RIMS2: variants seen among roughly 807,000 people sequenced by gnomAD.
RIMS2 encodes regulating synaptic membrane exocytosis 2.
Under a neutral mutation model 174.4 loss-of-function variants are expected in RIMS2, and 59 were observed. The observed-to-expected ratio is 0.34, with a 90% confidence interval of 0.27 to 0.42. The LOEUF is 0.42. Among genes scored for constraint, RIMS2 ranks in the 10% least tolerant of loss-of-function variants. The probability of loss-of-function intolerance (pLI) is 1.00; values close to 1 mark genes in which losing one functional copy is unlikely to be tolerated. For synonymous variants in RIMS2, 606 were observed against 572.5 expected, an observed-to-expected ratio of 1.06 and a Z score of -0.84; for missense variants, 1,620 against 1,666.3, an observed-to-expected ratio of 0.97 and a Z score of 0.48.
chr8:104,166,359 C>A (rs12546019), intron 19 of RIMS2, among the ~76,000 whole-genome samples: 65,617 of 151,510 alleles, frequency 0.43, 14,665 homozygotes, highest in East Asian at 0.63. Flanking sequence ...AGCCACCGGG[C>A]CCGGCCTGGA....
intron 1 of RIMS2, among the ~76,000 whole-genome samples, chr8:103,668,662 A>G (rs982421697): frequency 1.5e-4 from 22 of 151,272 alleles, no homozygotes; most frequent in Middle Eastern, 6.8e-3. Flanking sequence ...CGATTTATTT[A>G]TTTATTTATT....
chr8:103,964,840 T>C lies in RIMS2; in HGVS notation c.2770+3707T>C, dbSNP rs1239745521. Reference sequence around the variant, plus strand: ...TCTGATGCATTTTTGAAGAGTGTAATGTCTGTGTCTAGGTTCCCTATTTTG... The same window carrying C: ...TCTGATGCATTTTTGAAGAGTGTAACGTCTGTGTCTAGGTTCCCTATTTTG... On this transcript the variant is annotated intron_variant, in intron 15 of 23. Transcript: ENST00000504942. Among the ~76,000 whole-genome samples the C allele has an allele frequency of 2.0e-5, 3 of 152,054 alleles. No homozygotes were observed. The East Asian group carries it at 5.8e-4, about 29-fold the overall frequency.
chr8:103,978,401 A>G (rs1384326104), intron 16 of RIMS2, among the ~76,000 whole-genome samples: 1 of 118,254 alleles, frequency 8.5e-6, no homozygotes, highest in African/African-American at 2.6e-5. Flanking sequence ...CAAAAGTGTC[A>G]TAAAGGACAA....
intron 1 of RIMS2, among the ~76,000 whole-genome samples, chr8:103,656,706 A>G (rs572439244): frequency 6.6e-6 from 1 of 152,332 alleles, no homozygotes; most frequent in East Asian, 1.9e-4. Flanking sequence ...TTGAGGTCAC[A>G]GGGCAAATCA....
At position 104,130,321 on chromosome 8, in the gene RIMS2, C is replaced by A. The variant is rs558201356; in HGVS notation, c.3335-114595C>A. ...TGGGTGAACCTGTACACCGAGCAGT[C>A]CTGCTGCATAACCGCTGCCCAGATT... is the stretch of plus-strand genomic sequence containing the variant. On this transcript the variant is annotated intron_variant, in intron 19 of 23. Transcript: ENST00000504942. Among the ~76,000 whole-genome samples, 6 of 152,308 alleles carry A rather than the reference C, an allele frequency of 3.9e-5. No individual in the cohort carries two copies. The South Asian group carries it at 1.2e-3, about 32-fold the overall frequency.
intron 17 of RIMS2, among the ~76,000 whole-genome samples, chr8:103,994,858 T>G (rs1296778792): frequency 6.6e-6 from 1 of 152,076 alleles, no homozygotes; most frequent in Non-Finnish European, 1.5e-5. Flanking sequence ...TGCTTTGGCT[T>G]TATAGGGACA....
intron 3 of RIMS2, among the ~76,000 whole-genome samples, chr8:103,802,005 A>G (rs1364058900): frequency 1.3e-5 from 2 of 152,214 alleles, no homozygotes; most frequent in African/African-American, 4.8e-5. Context: ...GGTATTGATA[A>G]TTGTAGCAAG....
exon 4 of RIMS2, chr8:103,885,919 A>G (rs556407558): frequency 3.1e-6 from 5 of 1,613,002 alleles, no homozygotes; most frequent in East Asian, 2.2e-5. Flanking sequence ...GGAGGAGTCC[A>G]CTACCCATAG....
At chr8:103,888,451 A>G (rs936638654) in intron 4 of RIMS2, among the ~76,000 whole-genome samples, 4 of 151,324 alleles carry the variant, frequency 2.6e-5, no homozygotes, top group Middle Eastern at 3.2e-3. Context: ...TAGTTTGGTC[A>G]TTTTTCACAT....
chr8:103,910,452 G>C, intron 5 of RIMS2: 1 of 1,597,438 alleles, frequency 6.3e-7, no homozygotes, highest in South Asian at 1.1e-5. Flanking sequence ...GGAATGGTCT[G>C]AACCTCAGAT....
intron 1 of RIMS2, among the ~76,000 whole-genome samples, chr8:103,630,664 A>T (rs1455213825): frequency 6.6e-6 from 1 of 151,928 alleles, no homozygotes; most frequent in East Asian, 1.9e-4. Flanking sequence ...GATAAGTCAC[A>T]CACACACAAA....
At chr8:104,141,222 A>C (rs984039687) in intron 19 of RIMS2, among the ~76,000 whole-genome samples, 9 of 152,312 alleles carry the variant, frequency 5.9e-5, no homozygotes, top group Non-Finnish European at 1.2e-4. Flanking sequence ...TCTATAAAGT[A>C]ATACGTTTAA....
At chr8:103,843,973 G>A (rs1359577231) in intron 3 of RIMS2, among the ~76,000 whole-genome samples, 2 of 152,142 alleles carry the variant, frequency 1.3e-5, no homozygotes, top group Non-Finnish European at 2.9e-5. Context: ...TCTTTCCCAT[G>A]ATGTTCTCAT....
At chr8:104,170,137 T>C (rs2098823655) in intron 19 of RIMS2, among the ~76,000 whole-genome samples, 1 of 152,146 alleles carries the variant, frequency 6.6e-6, no homozygotes, top group Non-Finnish European at 1.5e-5. Flanking sequence ...ATGTATATTC[T>C]CCAATTGTTG....
intron 1 of RIMS2, among the ~76,000 whole-genome samples, chr8:103,623,577 C>T (rs973579788): frequency 3.8e-4 from 56 of 145,794 alleles, no homozygotes; most frequent in Non-Finnish European, 5.1e-4. Context: ...CTCCGCCTCC[C>T]GGGTTCACGC....
intron 3 of RIMS2, among the ~76,000 whole-genome samples, chr8:103,838,226 A>G (rs1216024280): frequency 2.6e-5 from 4 of 152,092 alleles, no homozygotes; most frequent in Non-Finnish European, 5.9e-5. Flanking sequence ...GATTACAGGC[A>G]TGAGCCACTG....
At chr8:103,991,438 G>A (rs2094690723) in intron 17 of RIMS2, among the ~76,000 whole-genome samples, 1 of 151,838 alleles carries the variant, frequency 6.6e-6, no homozygotes, top group South Asian at 2.1e-4. Context: ...TATGTGGTCT[G>A]TCACATTAAG....
chr8:104,123,055 T>C (rs1308663882), intron 19 of RIMS2, among the ~76,000 whole-genome samples: 1 of 152,060 alleles, frequency 6.6e-6, no homozygotes, highest in Admixed American at 6.5e-5. Flanking sequence ...TTTTATATAA[T>C]ATAATTTCCA....
intron 1 of RIMS2, among the ~76,000 whole-genome samples, chr8:103,539,449 A>G (rs1841486441): frequency 6.6e-6 from 1 of 152,248 alleles, no homozygotes; most frequent in Non-Finnish European, 1.5e-5. Flanking sequence ...CTGAAGCAAC[A>G]AAGTGGAGCA....
Sources: allele counts gnomAD v4.1 joint callset (sites outside exome capture counted in the v4.1 genomes callset), GRCh38; gene constraint gnomAD v4.1.1; transcripts MANE v1.5; gene names NCBI Gene and HGNC (gene_info 2026-07-23, HGNC 2026-07-21).